Variants in GRID2 observed in about 807,000 individuals in gnomAD.
The protein encoded by GRID2 is glutamate ionotropic receptor delta type subunit 2.
GRID2 carries 33 observed loss-of-function variants against 114.8 expected under a neutral mutation model. The ratio of observed to expected loss-of-function variants is 0.29; its 90% CI spans 0.22 to 0.38. The LOEUF (loss-of-function observed/expected upper bound fraction) is 0.38, where lower values mean the gene tolerates loss of function less well. Ranked by LOEUF, GRID2 falls within the 10% of genes least tolerant of loss-of-function variation. The probability of loss-of-function intolerance (pLI) is 1.00; values close to 1 mark genes in which losing one functional copy is unlikely to be tolerated. For missense variants in GRID2, 1,184 were observed against 1,257.7 expected (o/e 0.94, Z 0.89); for synonymous variants, 505 against 449.9 (o/e 1.12, Z -1.55).
intron 2 of GRID2, among the ~76,000 whole-genome samples, chr4:92,906,297 C>G (rs1747946661): frequency 6.6e-6 from 1 of 151,546 alleles, no homozygotes; most frequent in Admixed American, 6.6e-5. Context: ...TAACACCAGA[C>G]AGTATAACTG....
At chr4:92,969,698 A>G (rs766465505) in intron 2 of GRID2, among the ~76,000 whole-genome samples, 4 of 151,818 alleles carry the variant, frequency 2.6e-5, no homozygotes, top group Non-Finnish European at 5.9e-5. Flanking sequence ...TCTTAATTCC[A>G]TACTTTCGTT....
At chr4:93,127,823 C>A (rs1734413716) in intron 4 of GRID2, among the ~76,000 whole-genome samples, 1 of 151,602 alleles carries the variant, frequency 6.6e-6, no homozygotes, top group African/African-American at 2.4e-5. Context: ...TGAAGCCAGC[C>A]TGGGCAACAT....
intron 2 of GRID2, among the ~76,000 whole-genome samples, chr4:92,734,045 C>A (rs1401334234): frequency 3.3e-5 from 5 of 151,998 alleles, no homozygotes; most frequent in Non-Finnish European, 5.9e-5. Flanking sequence ...ATTTCTGAGC[C>A]AGTCTTGTTG....
chr4:93,578,587 AT>A (rs59397408), intron 13 of GRID2, among the ~76,000 whole-genome samples: 1,643 of 83,932 alleles, frequency 0.02, 15 homozygotes, highest in African/African-American at 0.057. Flanking sequence ...TGTTTTTTGT[AT>A]TTTTTTTTTT....
At chr4:92,873,298 T>G (rs1012947303) in intron 2 of GRID2, among the ~76,000 whole-genome samples, 1 of 152,294 alleles carries the variant, frequency 6.6e-6, no homozygotes, top group South Asian at 2.1e-4. Flanking sequence ...TTATTACTTT[T>G]ATTTTAGGAA....
At chr4:93,714,446 G>A (rs112184867) in intron 14 of GRID2, among the ~76,000 whole-genome samples, 6,412 of 152,136 alleles carry the variant, frequency 0.042, 218 homozygotes, top group African/African-American at 0.085. Context: ...ATTCCTTTGG[G>A]TATATACCCA....
At chr4:93,305,343 TC>T (rs903953298) in intron 8 of GRID2, among the ~76,000 whole-genome samples, 2 of 152,096 alleles carry the variant, frequency 1.3e-5, no homozygotes, top group African/African-American at 4.8e-5. Context: ...AATCCACAAT[TC>T]GGGGTGATTT....
At chr4:92,648,514 G>A (rs62309180) in intron 2 of GRID2, among the ~76,000 whole-genome samples, 8,200 of 149,600 alleles carry the variant, frequency 0.055, 509 homozygotes, top group East Asian at 0.16. Flanking sequence ...GAGCATGGCT[G>A]TTAATGCTGG....
At chr4:92,398,580 T>G (rs1730623423) in intron 1 of GRID2, among the ~76,000 whole-genome samples, 2 of 152,218 alleles carry the variant, frequency 1.3e-5, no homozygotes, top group African/African-American at 4.8e-5. Flanking sequence ...ATTACAGGCA[T>G]GAGCCACTGC....
At chr4:93,119,352 A>G (rs1015921935) in intron 4 of GRID2, among the ~76,000 whole-genome samples, 2 of 152,178 alleles carry the variant, frequency 1.3e-5, no homozygotes, top group Non-Finnish European at 2.9e-5. Flanking sequence ...AAATGTTTTT[A>G]TATAGGAATA....
At chr4:93,274,924 A>C (rs1751882451) in intron 8 of GRID2, among the ~76,000 whole-genome samples, 1 of 152,056 alleles carries the variant, frequency 6.6e-6, no homozygotes, top group African/African-American at 2.4e-5. Flanking sequence ...TTATAAATCA[A>C]ATACCATAAA....
intron 13 of GRID2, among the ~76,000 whole-genome samples, chr4:93,519,225 T>C (rs944144567): frequency 3.3e-5 from 5 of 152,056 alleles, no homozygotes; most frequent in African/African-American, 1.2e-4. Context: ...AAGAGCAACA[T>C]GATAACATAT....
rs1024706032 is a variant in GRID2, at chr4:92,459,996, G to A, written c.89-130135G>A. ...CCTGCACTCTGGACTTCCAGCCTCC[G>A]CAACTGCATGAGCCCATTCCTTAAA... is the stretch of plus-strand genomic sequence containing the variant. On this transcript the variant is annotated intron_variant, in intron 1 of 15. Transcript: ENST00000282020. Among the ~76,000 whole-genome samples, 33 of 113,104 alleles carry A rather than the reference G, an allele frequency of 2.9e-4. 1 individual carries two copies. The highest frequency in any genetic ancestry group is 4.7e-4 in the Non-Finnish European group (27 of 57,722). The allele number at this position is 113,104 out of a possible 152,430, so 74.2% of individuals were successfully genotyped here.
chr4:93,590,952 TG>T (rs1441239571), intron 13 of GRID2, among the ~76,000 whole-genome samples: 1 of 151,694 alleles, frequency 6.6e-6, no homozygotes, highest in Admixed American at 6.6e-5. Flanking sequence ...AAGGAGATTT[TG>T]GGCTGAGACG....
intron 11 of GRID2, among the ~76,000 whole-genome samples, chr4:93,480,626 T>C (rs532492137): frequency 7.9e-5 from 12 of 152,208 alleles, no homozygotes; most frequent in African/African-American, 2.6e-4. Context: ...TGACTCACTG[T>C]GGTAATTTTA....
At chr4:93,186,096 G>T (rs1192310998) in intron 4 of GRID2, among the ~76,000 whole-genome samples, 2 of 152,134 alleles carry the variant, frequency 1.3e-5, no homozygotes, top group Non-Finnish European at 2.9e-5. Context: ...TTTTATGGCT[G>T]CATAGTATTC....
intron 8 of GRID2, among the ~76,000 whole-genome samples, chr4:93,259,566 A>G (rs1435631104): frequency 6.6e-6 from 1 of 151,870 alleles, no homozygotes. Context: ...GTGCACAGCT[A>G]ATTAAGTAAA....
At chr4:93,328,039 C>T (rs992766626) in intron 8 of GRID2, among the ~76,000 whole-genome samples, 5 of 151,852 alleles carry the variant, frequency 3.3e-5, no homozygotes, top group Admixed American at 1.3e-4. Context: ...CCTGGCCGGG[C>T]GCAGTGGCTC....
At chr4:92,706,064 A>T (rs1374067440) in intron 2 of GRID2, among the ~76,000 whole-genome samples, 2 of 152,192 alleles carry the variant, frequency 1.3e-5, no homozygotes, top group Non-Finnish European at 2.9e-5. Flanking sequence ...GCGCAGTTTT[A>T]AAAACATCAA....
Sources: allele counts gnomAD v4.1 joint callset (sites outside exome capture counted in the v4.1 genomes callset), GRCh38; gene constraint gnomAD v4.1.1; transcripts MANE v1.5; gene names NCBI Gene and HGNC (gene_info 2026-07-23, HGNC 2026-07-21).